The following MYO6 variants were observed in gnomAD, a reference collection of about 807,000 sequenced individuals.
The protein encoded by MYO6 is myosin VI.
A neutral mutation model predicts 178.7 loss-of-function variants in MYO6; 74 were observed. That is an observed-to-expected ratio of 0.41 (90% CI 0.34 to 0.50). The LOEUF (loss-of-function observed/expected upper bound fraction) is 0.50, where lower values mean the gene tolerates loss of function less well. Ranked by LOEUF, MYO6 falls within the 20% of genes least tolerant of loss-of-function variation. MYO6 has a pLI of 0.09. For synonymous variants in MYO6, 477 were observed against 504.6 expected (o/e 0.95, Z 0.73); for missense variants, 1,330 against 1,547.4 (o/e 0.86, Z 2.36).
chr6:75,777,036 C>T (rs1298663020), intron 1 of MYO6, among the ~76,000 whole-genome samples: 1 of 152,050 alleles, frequency 6.6e-6, no homozygotes, highest in Non-Finnish European at 1.5e-5. Context: ...GTGGTTTTTC[C>T]TCTCTTAACA....
intron 1 of MYO6, among the ~76,000 whole-genome samples, chr6:75,785,471 T>C (rs1172951731): frequency 1.5e-5 from 2 of 136,260 alleles, no homozygotes; most frequent in Non-Finnish European, 3.0e-5. Flanking sequence ...GTCTTTTCTT[T>C]TCTTTTTTTT....
At chr6:75,790,864 T>C (rs1768155510) in intron 1 of MYO6, among the ~76,000 whole-genome samples, 1 of 152,236 alleles carries the variant, frequency 6.6e-6, no homozygotes, top group African/African-American at 2.4e-5. Context: ...AGAACAGATG[T>C]AATTATGCAG....
intron 1 of MYO6, among the ~76,000 whole-genome samples, chr6:75,802,446 G>C (rs1334958472): frequency 6.6e-6 from 1 of 150,816 alleles, no homozygotes; most frequent in East Asian, 2.0e-4. Flanking sequence ...TCTAGTCTGG[G>C]TGACAGAGCG....
In MYO6 at chr6:75,840,616, G is replaced by A. The variant is rs758269020; in HGVS notation, c.585G>A (p.Ala195=). ...ANPLLEAFGN[A]KTVRNNNSSR... is the part of the protein sequence containing the mutation. Reference sequence around the variant, plus strand: ...CACTCCTAGAAGCCTTTGGAAATGCGAAGACTGTTCGCAACAATAATAGCA... The same window carrying A: ...CACTCCTAGAAGCCTTTGGAAATGCAAAGACTGTTCGCAACAATAATAGCA... The change falls in exon 8 of 35, where the codon GCG becomes GCA. Residue 195 remains alanine, a synonymous_variant. Transcript: ENST00000369977. 8.1e-6 allele frequency: 13 copies of A among 1,613,710 alleles called. No individual in the cohort carries two copies. In the Middle Eastern group the frequency reaches 4.9e-4, roughly 61 times the overall value.
chr6:75,767,466 C>T (rs1294903725), intron 1 of MYO6, among the ~76,000 whole-genome samples: 1 of 149,544 alleles, frequency 6.7e-6, no homozygotes, highest in African/African-American at 2.5e-5. Context: ...AAATGAGAAA[C>T]TATAATAGTT....
intron 1 of MYO6, among the ~76,000 whole-genome samples, chr6:75,765,170 CTTTTTTTTTTTTT>C (rs71002762): frequency 1.7e-5 from 1 of 57,684 alleles, no homozygotes; most frequent in African/African-American, 7.7e-5. Context: ...AAAAAAAAAG[CTTTTTTTTTTTTT>C]TTTTTTTTTT....
chr6:75,836,315 C>T (rs1055478529), intron 7 of MYO6, among the ~76,000 whole-genome samples: 7 of 152,142 alleles, frequency 4.6e-5, no homozygotes, highest in African/African-American at 1.4e-4. Context: ...GGTTATTTGG[C>T]ATTAGGTGCT....
intron 1 of MYO6, among the ~76,000 whole-genome samples, chr6:75,804,960 T>C: frequency 7.0e-6 from 1 of 143,058 alleles, no homozygotes; most frequent in Non-Finnish European, 1.5e-5. Context: ...TATGTACACA[T>C]ATATACACAT....
intron 30 of MYO6, among the ~76,000 whole-genome samples, chr6:75,898,713 C>T (rs1006472056): frequency 1.3e-5 from 2 of 152,176 alleles, no homozygotes; most frequent in Non-Finnish European, 2.9e-5. Context: ...CAGTAGGGGA[C>T]TTCTTCCCCT....
At chr6:75,807,808 T>C (rs1176914822) in intron 1 of MYO6, among the ~76,000 whole-genome samples, 1 of 152,252 alleles carries the variant, frequency 6.6e-6, no homozygotes, top group African/African-American at 2.4e-5. Flanking sequence ...CCAGCTTCTT[T>C]ACTGCAGCCC....
intron 20 of MYO6, among the ~76,000 whole-genome samples, chr6:75,879,417 C>T (rs1177812625): frequency 7.2e-6 from 1 of 139,202 alleles, no homozygotes; most frequent in East Asian, 2.0e-4. Flanking sequence ...GCTGATTTCT[C>T]TATTTTTTTT....
At chr6:75,899,003 A>G (rs1184575228) in intron 30 of MYO6, among the ~76,000 whole-genome samples, 3 of 152,228 alleles carry the variant, frequency 2.0e-5, no homozygotes, top group Non-Finnish European at 2.9e-5. Flanking sequence ...CTTAAAAATC[A>G]GTTTGCTACT....
chr6:75,911,965 CTG>C (rs1244220534), intron 33 of MYO6, among the ~76,000 whole-genome samples: 1 of 151,936 alleles, frequency 6.6e-6, no homozygotes, highest in African/African-American at 2.4e-5. Context: ...GCATTTTAAA[CTG>C]AGAGTATGTA....
At chr6:75,873,850 A>G (rs747808366) in intron 20 of MYO6, among the ~76,000 whole-genome samples, 14 of 151,998 alleles carry the variant, frequency 9.2e-5, no homozygotes, top group Non-Finnish European at 1.5e-4. Context: ...CACTTCATCC[A>G]TTTGCTTAAA....
Position 75,886,045 on chromosome 6 carries a change from A to C in MYO6, c.2458A>C (p.Met820Leu). 1 of 1,612,686 alleles carries C rather than the reference A, an allele frequency of 6.2e-7. No homozygotes were observed. The highest frequency in any genetic ancestry group is 8.5e-7 in the Non-Finnish European group (1 of 1,179,074). ...IKYRAEACIK[M>L]QKTIRMWLCK... Reference sequence around the variant, plus strand: ...ATATCGAGCTGAAGCCTGCATTAAAATGCAAAAAACTATTCGAATGTGGCT... The same window carrying C: ...ATATCGAGCTGAAGCCTGCATTAAACTGCAAAAAACTATTCGAATGTGGCT... The change falls in exon 24 of 35, where the codon ATG (methionine) becomes CTG (leucine). Residue 820 changes from methionine (M) to leucine (L), a missense_variant. Transcript: ENST00000369977.
At chr6:75,798,097 G>C (rs1769045885) in intron 1 of MYO6, among the ~76,000 whole-genome samples, 2 of 152,090 alleles carry the variant, frequency 1.3e-5, no homozygotes, top group Non-Finnish European at 2.9e-5. Context: ...TTTTCTTCTA[G>C]ATTTTTATAG....
intron 5 of MYO6, among the ~76,000 whole-genome samples, chr6:75,831,196 C>T (rs1479383111): frequency 3.3e-5 from 5 of 152,140 alleles, no homozygotes; most frequent in South Asian, 2.1e-4. Flanking sequence ...CCACCAAATG[C>T]GGAGGTGTTA....
intron 7 of MYO6, among the ~76,000 whole-genome samples, chr6:75,838,174 T>A (rs1301493791): frequency 6.6e-6 from 1 of 151,950 alleles, no homozygotes; most frequent in Non-Finnish European, 1.5e-5. Context: ...TGCTTCATCC[T>A]ACCGAGTAGC....
At chr6:75,870,299 TC>T (rs1440524311) in intron 18 of MYO6, among the ~76,000 whole-genome samples, 4 of 152,352 alleles carry the variant, frequency 2.6e-5, no homozygotes, top group African/African-American at 7.2e-5. Flanking sequence ...GCTATTGATC[TC>T]TTATTAAATG....
Sources: allele counts gnomAD v4.1 joint callset (sites outside exome capture counted in the v4.1 genomes callset), GRCh38; gene constraint gnomAD v4.1.1; transcripts MANE v1.5; gene names NCBI Gene and HGNC (gene_info 2026-07-23, HGNC 2026-07-21).